Variants in CA5B observed in about 807,000 individuals in gnomAD.
CA5B encodes carbonic anhydrase 5B, also known as carbonic anhydrase 5B, mitochondrial.
Under a neutral mutation model 23.1 loss-of-function variants are expected in CA5B, and 15 were observed. That is an observed-to-expected ratio of 0.65 (90% CI 0.43 to 1.00). CA5B has a LOEUF of 1.00. Among genes scored for constraint, CA5B ranks in the 50% least tolerant of loss-of-function variants. The pLI is 0.00. For missense variants in CA5B, 236 were observed against 252.2 expected, an observed-to-expected ratio of 0.94 and a Z score of 0.43; for synonymous variants, 84 against 98.5, an observed-to-expected ratio of 0.85 and a Z score of 0.87.
At chrX:15,780,867 C>A (rs908180580) in intron 7 of CA5B, among the ~76,000 whole-genome samples, 1 of 112,356 alleles carries the variant, frequency 8.9e-6, no homozygotes, top group Non-Finnish European at 1.9e-5. Context: ...TGACTCTTCG[C>A]TTGCTTGTCT....
At chrX:15,766,005 G>A (rs753319735) in intron 3 of CA5B, among the ~76,000 whole-genome samples, 2 of 107,954 alleles carry the variant, frequency 1.9e-5, no homozygotes, top group African/African-American at 3.4e-5. Flanking sequence ...AAAATACAAA[G>A]CATTAGCCGG....
intron 5 of CA5B, 64 bp from the exon 6 acceptor site, chrX:15,775,182 C>G (rs1931897469): frequency 2.4e-6 from 2 of 845,148 alleles, no homozygotes; most frequent in African/African-American, 2.0e-5. Context: ...AATTCACATT[C>G]TGTTACAGTT....
At chrX:15,753,973 T>C (rs1931439409) in intron 2 of CA5B, among the ~76,000 whole-genome samples, 1 of 112,676 alleles carries the variant, frequency 8.9e-6, no homozygotes, top group Non-Finnish European at 1.9e-5. Context: ...CTGCTGTCTG[T>C]CATGTGATGC....
intron 5 of CA5B, among the ~76,000 whole-genome samples, 160 bp downstream of exon 5, chrX:15,774,557 G>T (rs1054167233): frequency 8.9e-6 from 1 of 111,969 alleles, no homozygotes; most frequent in Non-Finnish European, 1.9e-5. Flanking sequence ...TTTAGGGCCA[G>T]GCATGGTGGC....
intron 4 of CA5B, among the ~76,000 whole-genome samples, chrX:15,773,238 T>G (rs1360145786): frequency 9.1e-6 from 1 of 110,367 alleles, no homozygotes; most frequent in Admixed American, 9.7e-5. Flanking sequence ...AAAAATTTAT[T>G]TTATATTTTT....
intron 5 of CA5B, among the ~76,000 whole-genome samples, chrX:15,774,708 C>G (rs996133318): frequency 9.0e-6 from 1 of 111,150 alleles, no homozygotes; most frequent in Non-Finnish European, 1.9e-5. Flanking sequence ...GTGGTGCGCA[C>G]CTGTAATCCT....
intron 2 of CA5B, among the ~76,000 whole-genome samples, chrX:15,756,687 G>A (rs1243341051): frequency 8.9e-6 from 1 of 112,510 alleles, no homozygotes; most frequent in Non-Finnish European, 1.9e-5. Flanking sequence ...AAGACAGGAA[G>A]ATAGCTTGAG....
chrX:15,775,248 A>G lies in CA5B; in HGVS notation c.558A>G (p.Leu186=). 1.7e-6 allele frequency: 2 copies of G among 1,188,197 alleles called. No individual in the cohort carries two copies. Among genetic ancestry groups the G allele is most frequent in the Non-Finnish European group, 2.3e-6 (2 of 877,998 alleles). Residue 186 remains leucine, a splice_region_variant and synonymous_variant, in exon 6 of 8, where the codon CTA becomes CTG. Transcript: ENST00000318636. ...TTTTCTTACTTGTTGTTCTTTAGCT[A>G]GGCAAACATCATAAGGAGCTACAGA... ...GLAVIGVFLK[L]GKHHKELQKL...
chrX:15,774,496 T>C (rs1931882050), intron 5 of CA5B, 99 bp downstream of exon 5: 1 of 985,536 alleles, frequency 1.0e-6, no homozygotes, highest in Non-Finnish European at 1.4e-6. Context: ...TTGGGATCCA[T>C]ACATTGGTAA....
chrX:15,773,873 G>A (rs1173412732), intron 4 of CA5B, among the ~76,000 whole-genome samples: 2 of 111,399 alleles, frequency 1.8e-5, no homozygotes, highest in African/African-American at 3.3e-5. Context: ...ATTTTAAATG[G>A]TTATTCCTTG....
intron 2 of CA5B, chrX:15,762,799 T>C: frequency 2.7e-6 from 1 of 369,499 alleles, no homozygotes; most frequent in Non-Finnish European, 5.5e-6. Flanking sequence ...TTGTTCTTGA[T>C]TCTACCCATC....
At chrX:15,745,330 G>A (rs182353124) in intron 1 of CA5B, among the ~76,000 whole-genome samples, 1 of 111,550 alleles carries the variant, frequency 9.0e-6, no homozygotes, top group South Asian at 3.7e-4. Flanking sequence ...AAGTAAAAGC[G>A]AGATTGCCAG....
chrX:15,741,625 C>T (rs752927628), intron 1 of CA5B, among the ~76,000 whole-genome samples: 25 of 109,916 alleles, frequency 2.3e-4, no homozygotes, highest in Non-Finnish European at 4.2e-4. Context: ...CCCGCCACCA[C>T]GCCTGGCTCA....
chrX:15,744,817 G>T (rs994077842), intron 1 of CA5B, among the ~76,000 whole-genome samples: 1 of 110,498 alleles, frequency 9.0e-6, no homozygotes, highest in Admixed American at 9.7e-5. Context: ...GAGCCCCTGC[G>T]CCACATATTC....
At position 15,772,495 on chromosome X, in the gene CA5B, G is replaced by T; in HGVS notation, c.341-1G>T. ...CTGAATTGTTGGATGTGCCATTTTA[G>T]TGATCAAGGGAGGACCCCTGGAACA... On this transcript the variant is annotated splice_acceptor_variant, in intron 3 of 7. Transcript: ENST00000318636. LOFTEE classifies it high-confidence loss of function. 1 of 1,171,037 alleles carries T rather than the reference G, an allele frequency of 8.5e-7. No homozygotes were observed. The highest frequency in any genetic ancestry group is 1.8e-5 in the South Asian group (1 of 55,090).
intron 1 of CA5B, among the ~76,000 whole-genome samples, chrX:15,747,556 A>G (rs1329063395): frequency 9.0e-6 from 1 of 111,047 alleles, no homozygotes; most frequent in African/African-American, 3.3e-5. Flanking sequence ...TTGATTGGCC[A>G]TGAACAGACA....
chrX:15,763,861 G>A (rs776112731), intron 2 of CA5B, among the ~76,000 whole-genome samples: 4 of 112,060 alleles, frequency 3.6e-5, no homozygotes, highest in African/African-American at 9.7e-5. Context: ...GAGAGGTGCT[G>A]GTGTAAGTTC....
chrX:15,745,065 AG>A (rs1275708783), intron 1 of CA5B, among the ~76,000 whole-genome samples: 2 of 105,822 alleles, frequency 1.9e-5, no homozygotes, highest in Non-Finnish European at 3.9e-5. Context: ...GCTACTCTGG[AG>A]GCTGAGGCAG....
intron 2 of CA5B, among the ~76,000 whole-genome samples, chrX:15,764,329 A>G (rs1200492899): frequency 9.3e-6 from 1 of 107,889 alleles, no homozygotes; most frequent in Non-Finnish European, 1.9e-5. Context: ...AACAGCCTCG[A>G]CCTCCCGGGC....
Sources: allele counts gnomAD v4.1 joint callset (sites outside exome capture counted in the v4.1 genomes callset), GRCh38; gene constraint gnomAD v4.1.1; transcripts MANE v1.5; gene names NCBI Gene and HGNC (gene_info 2026-07-23, HGNC 2026-07-21).